TLK2: variants seen among roughly 807,000 people sequenced by gnomAD.
TLK2 encodes tousled like kinase 2.
A neutral mutation model predicts 117.3 loss-of-function variants in TLK2; 6 were observed. That is an observed-to-expected ratio of 0.05 (90% CI 0.03 to 0.10). The LOEUF is 0.10. Among genes scored for constraint, TLK2 ranks in the 10% least tolerant of loss-of-function variants. The pLI is 1.00. For synonymous variants in TLK2, 257 were observed against 316.7 expected (o/e 0.81, Z 2.00); for missense variants, 299 against 901.2 (o/e 0.33, Z 8.56).
chr17:62,530,931 C>T (rs1397836240), intron 6 of TLK2, among the ~76,000 whole-genome samples: 1 of 151,952 alleles, frequency 6.6e-6, no homozygotes, highest in African/African-American at 2.4e-5. Flanking sequence ...TAATTCATTA[C>T]CATGTTCTAA....
chr17:62,563,750 A>G (rs974801453), intron 10 of TLK2, among the ~76,000 whole-genome samples: 2 of 152,186 alleles, frequency 1.3e-5, no homozygotes, highest in Admixed American at 6.5e-5. Flanking sequence ...TCTATGTCCT[A>G]TACTTAACAT....
chr17:62,570,257 C>T (rs57267232), intron 11 of TLK2, among the ~76,000 whole-genome samples: 1 of 152,140 alleles, frequency 6.6e-6, no homozygotes, highest in African/African-American at 2.4e-5. Context: ...TCTTGTTTCT[C>T]TTTTGCAGGC....
At chr17:62,597,631 T>A (rs1190229554) in intron 17 of TLK2, among the ~76,000 whole-genome samples, 1 of 152,184 alleles carries the variant, frequency 6.6e-6, no homozygotes, top group Non-Finnish European at 1.5e-5. Flanking sequence ...AAGACAAGGC[T>A]CAGTGCTACA....
At chr17:62,571,786 G>A (rs181938352) in intron 11 of TLK2, among the ~76,000 whole-genome samples, 18 of 152,226 alleles carry the variant, frequency 1.2e-4, no homozygotes, top group South Asian at 4.1e-4. Context: ...GTTCTTCCAC[G>A]AAAGATACTG....
chr17:62,587,957 TA>T (rs1295721994), intron 16 of TLK2, among the ~76,000 whole-genome samples: 27 of 151,476 alleles, frequency 1.8e-4, no homozygotes, highest in African/African-American at 6.0e-4. Context: ...TACAGATGTA[TA>T]TGTATAAAAT....
At chr17:62,561,115 G>A (rs985666459) in intron 10 of TLK2, among the ~76,000 whole-genome samples, 1 of 152,160 alleles carries the variant, frequency 6.6e-6, no homozygotes, top group Non-Finnish European at 1.5e-5. Flanking sequence ...TGCTGAGAAT[G>A]ATGGTTTCCA....
chr17:62,565,715 C>T (rs1230264742), intron 11 of TLK2, among the ~76,000 whole-genome samples: 1 of 150,504 alleles, frequency 6.6e-6, no homozygotes, highest in Non-Finnish European at 1.5e-5. Flanking sequence ...ATTGCTGAAG[C>T]TAAGGAAGAA....
chr17:62,478,550 C>T (rs1215146197), upstream of TLK2, among the ~76,000 whole-genome samples: 1 of 150,048 alleles, frequency 6.7e-6, no homozygotes, highest in Non-Finnish European at 1.5e-5. Context: ...GGCCCGTCAG[C>T]CGGCGCCGCC....
chr17:62,493,493 G>C (rs2073327045), intron 2 of TLK2, among the ~76,000 whole-genome samples: 1 of 152,170 alleles, frequency 6.6e-6, no homozygotes, highest in Admixed American at 6.6e-5. Context: ...TTAAATTCTT[G>C]TGGCTGCAGA....
rs79731503 is a variant in TLK2, at chr17:62,565,790, G to A, written c.968+653G>A. On this transcript the variant is annotated intron_variant, in intron 11 of 21. Coordinates refer to ENST00000346027, the MANE Select transcript of TLK2 (RefSeq NM_006852.6). ...TGAATTTTCATTAAGAGTCTATTGA[G>A]CATTTCTTCTGGATCCACAGAAAAA... Among the ~76,000 whole-genome samples, 6,122 of 152,152 alleles carry A rather than the reference G, an allele frequency of 0.04. 742 individuals are homozygous for A. In the East Asian group the frequency reaches 0.43, roughly 11 times the overall value.
intron 2 of TLK2, chr17:62,516,259 T>C (rs2075575229): frequency 4.6e-6 from 4 of 872,364 alleles, no homozygotes; most frequent in Non-Finnish European, 5.4e-6. Context: ...ATTATAGTTT[T>C]AGTTCTTTTT....
At chr17:62,565,651 CAAAAAAA>C (rs5821367) in intron 11 of TLK2, among the ~76,000 whole-genome samples, 1 of 101,184 alleles carries the variant, frequency 9.9e-6, no homozygotes, top group African/African-American at 3.9e-5. Flanking sequence ...GACTCCATCT[CAAAAAAA>C]AAAAAAAAAA....
chr17:62,592,301 A>G (rs2082140267), intron 16 of TLK2, among the ~76,000 whole-genome samples: 1 of 152,178 alleles, frequency 6.6e-6, no homozygotes, highest in Non-Finnish European at 1.5e-5. Context: ...ACATTGTGTA[A>G]GCATATTCTG....
intron 6 of TLK2, 46 bp from the exon 7 acceptor site, chr17:62,536,124 G>T (rs760702392): frequency 6.3e-7 from 1 of 1,589,724 alleles, no homozygotes; most frequent in South Asian, 1.1e-5. Context: ...GGCAGTATCA[G>T]ATTATCTTTC....
At chr17:62,490,928 G>T (rs912697563) in intron 2 of TLK2, among the ~76,000 whole-genome samples, 1 of 151,968 alleles carries the variant, frequency 6.6e-6, no homozygotes, top group South Asian at 2.1e-4. Flanking sequence ...AACTTTTAGC[G>T]ACAGGACTTC....
intron 8 of TLK2, chr17:62,553,351 A>C (rs1455599009): frequency 4.1e-6 from 1 of 241,680 alleles, no homozygotes; most frequent in Admixed American, 5.6e-5. Flanking sequence ...ATCCTTTTCT[A>C]TTCAAAGTTA....
upstream of TLK2, chr17:62,477,693 A>G (rs960791869): frequency 6.6e-6 from 1 of 152,196 alleles, no homozygotes; most frequent in Non-Finnish European, 1.5e-5. Context: ...GCGGAAAATT[A>G]TAAGGTGGGT....
rs373068280 is a variant in TLK2 at position 62,607,507 on chromosome 17, C to T, written c.1972-534C>T. Among the ~76,000 whole-genome samples, 19 of 151,368 alleles carry T rather than the reference C, an allele frequency of 1.3e-4. No homozygotes were observed. In the South Asian group the frequency reaches 3.1e-3, roughly 25 times the overall value. On this transcript the variant is annotated intron_variant, in intron 20 of 21. Transcript: ENST00000346027. ...TCATGCCACTGTACTCCAGTCTGGG[C>T]GACAGAGCGAGACTCCATCTCAAAA...
chr17:62,535,213 A>C (rs1598427579), intron 6 of TLK2, among the ~76,000 whole-genome samples: 1 of 152,076 alleles, frequency 6.6e-6, no homozygotes, highest in South Asian at 2.1e-4. Context: ...AGAGTTGCCT[A>C]ACAGTGTGTG....
Sources: gnomAD v4.1 joint callset for allele counts (sites outside exome capture counted in the v4.1 genomes callset) on GRCh38, gnomAD v4.1.1 for gene constraint, MANE v1.5 for transcripts, NCBI Gene and HGNC (gene_info 2026-07-23, HGNC 2026-07-21) for gene names.